MXD4: variants seen among roughly 807,000 people sequenced by gnomAD.
MXD4 encodes the protein MAX dimerization protein 4.
MXD4 carries 16 observed loss-of-function variants against 24.5 expected under a neutral mutation model. The observed-to-expected ratio is 0.65, with a 90% CI of 0.44 to 0.99. The LOEUF is 0.99. MXD4 is among the 50% of genes least tolerant of loss of function. The pLI, the probability that MXD4 is intolerant of heterozygous loss-of-function variation, is 0.00. For missense variants in MXD4, 301 were observed against 301.5 expected (o/e 1.00, Z 0.01); for synonymous variants, 164 against 134.2 (o/e 1.22, Z -1.54).
intron 2 of MXD4, among the ~76,000 whole-genome samples, chr4:2,261,264 G>A (rs570501766): frequency 1.2e-3 from 176 of 152,300 alleles, no homozygotes; most frequent in African/African-American, 4.1e-3. Context: ...GCAGAGTTCG[G>A]CTGGCAGAGC....
At chr4:2,261,533 G>T (rs1735545108) in intron 2 of MXD4, among the ~76,000 whole-genome samples, 192 bp downstream of exon 2, 1 of 149,088 alleles carries the variant, frequency 6.7e-6, no homozygotes, top group Admixed American at 6.7e-5. Flanking sequence ...GGAAGATGGC[G>T]ACGGCGAGGG....
chr4:2,254,331 G>A (rs984733224), intron 3 of MXD4: 59 of 152,260 alleles, frequency 3.9e-4, no homozygotes, highest in African/African-American at 1.4e-3. Flanking sequence ...CCACATAGGT[G>A]ACAAGTGACC....
chr4:2,252,346 C>G, intron 4 of MXD4, 62 bp downstream of exon 4: 1 of 1,352,668 alleles, frequency 7.4e-7, no homozygotes, highest in Non-Finnish European at 1.1e-6. Context: ...AGCACCCCCC[C>G]AGGGCGTGCA....
intron 2 of MXD4, among the ~76,000 whole-genome samples, chr4:2,261,233 G>C (rs1735535957): frequency 6.6e-6 from 1 of 152,356 alleles, no homozygotes; most frequent in Middle Eastern, 3.4e-3. Flanking sequence ...GCTCCTGGGG[G>C]CGGGGGAAGG....
At chr4:2,258,184 T>A (rs2108791033) in intron 2 of MXD4, among the ~76,000 whole-genome samples, 173 bp from the exon 3 acceptor site, 1 of 152,010 alleles carries the variant, frequency 6.6e-6, no homozygotes, top group East Asian at 1.9e-4. Flanking sequence ...CCACCCAGGG[T>A]GGGGGGAACC....
At chr4:2,258,743 T>C (rs1735480462) in intron 2 of MXD4, 2 of 362,012 alleles carry the variant, frequency 5.5e-6, no homozygotes, top group South Asian at 4.0e-5. Context: ...TTCTGAGATG[T>C]GGATGCTTCC....
chr4:2,258,118 T>G (rs940541081), intron 2 of MXD4, 107 bp from the exon 3 acceptor site: 2 of 1,411,790 alleles, frequency 1.4e-6, no homozygotes, highest in Non-Finnish European at 2.0e-6. Flanking sequence ...TGGCTGGCTG[T>G]GTCTGGGTCC....
rs770114003 is a variant in MXD4 at position 2,250,714 on chromosome 4, G to A, written c.473-13C>T. The A allele has an allele frequency of 1.9e-6, 3 of 1,611,226 alleles. No individual in the cohort carries two copies. The highest frequency in any genetic ancestry group is 1.1e-5 in the South Asian group (1 of 90,974). ...TCTATGTCCACTTCTAGGGAGAATA[G>A]AGTGGGGATGGGGTCAGGCCACTCT... On this transcript the variant is annotated splice_polypyrimidine_tract_variant and intron_variant, in intron 5 of 5. Transcript: ENST00000337190.
Position 2,252,402 on chromosome 4 carries a change from A to C in MXD4, c.309+6T>G, listed in dbSNP as rs749009623. The C allele has an allele frequency of 6.2e-7, 1 of 1,608,822 alleles. No homozygotes were observed. Among genetic ancestry groups the C allele is most frequent in the East Asian group, 2.2e-5 (1 of 44,856 alleles). ...CAGGGCAGGGTGGAGAGCAAGGCCCACTCACCTTGATGTGCACCTTGGCCC... is the reference window on the plus strand; with the variant it reads ...CAGGGCAGGGTGGAGAGCAAGGCCCCCTCACCTTGATGTGCACCTTGGCCC... On this transcript the variant is annotated splice_donor_region_variant and intron_variant, in intron 4 of 5. Transcript: ENST00000337190.
intron 3 of MXD4, chr4:2,253,756 G>C (rs970949812): frequency 2.6e-5 from 4 of 152,372 alleles, no homozygotes; most frequent in African/African-American, 4.8e-5. Context: ...GGGCTGCTGG[G>C]TGCAGCGGTA....
At chr4:2,259,090 C>A (rs1048226081) in intron 2 of MXD4, 1 of 401,082 alleles carries the variant, frequency 2.5e-6, no homozygotes, top group Admixed American at 2.5e-5. Context: ...CAGACTGCCT[C>A]GGGGCACCTC....
At chr4:2,257,302 A>T (rs930557115) in intron 3 of MXD4, among the ~76,000 whole-genome samples, 1 of 152,170 alleles carries the variant, frequency 6.6e-6, no homozygotes, top group East Asian at 1.9e-4. Flanking sequence ...GTCAGGAGAG[A>T]GCGAAGGACC....
chr4:2,252,158 T>G lies in MXD4; in HGVS notation c.309+250A>C, dbSNP rs79220502. 4.7e-3 allele frequency among the ~76,000 whole-genome samples: 720 copies of G among 152,238 alleles called. 8 individuals carry two copies. Among genetic ancestry groups the G allele is most frequent in the African/African-American group, 0.017 (690 of 41,534 alleles). The stretch of plus-strand genomic sequence containing the variant: ...GTCTATGCTGCGATGCGGCTTCTTA[T>G]GCCATCAGCACCCAACAAACCCGAC... On this transcript the variant is annotated intron_variant, in intron 4 of 5. Transcript: ENST00000337190.
At chr4:2,254,559 C>A (rs1735388311) in intron 3 of MXD4, 1 of 151,944 alleles carries the variant, frequency 6.6e-6, no homozygotes, top group Non-Finnish European at 1.5e-5. Context: ...GAAAGAAAAA[C>A]ACAGCTGAGA....
rs2108787000 is a variant in MXD4 at position 2,248,828 on chromosome 4, G to A, written c.*1716C>T. On this transcript the variant is annotated 3_prime_UTR_variant, in exon 6 of 6. Transcript: ENST00000337190. ...ATGGGAATTGGCTACAGATGTACCA[G>A]AGGCACGGCAGGCACTGCTATGGGC... 6.6e-6 allele frequency: 1 copy of A among 152,404 alleles called. No individual in the cohort carries two copies. Among genetic ancestry groups the A allele is most frequent in the Non-Finnish European group, 1.5e-5 (1 of 68,052 alleles). The allele number at this position is 152,404 out of a possible 1,614,324, so 9.4% of individuals were successfully genotyped here. A position where few individuals can be genotyped will look rare whatever the true frequency, so the allele number is the denominator to read the frequency against.
intron 2 of MXD4, among the ~76,000 whole-genome samples, chr4:2,260,056 C>G (rs1166441861): frequency 2.0e-5 from 3 of 152,232 alleles, no homozygotes; most frequent in Non-Finnish European, 4.4e-5. Context: ...CTTGTCTGGG[C>G]TGGCTGAGGA....
At position 2,250,609 on chromosome 4, in the gene MXD4, C is replaced by T; in HGVS notation, c.565G>A (p.Gly189Ser). 20 of 1,612,968 alleles carry T rather than the reference C, an allele frequency of 1.2e-5. No homozygotes were observed. Among genetic ancestry groups the T allele is most frequent in the Non-Finnish European group, 1.7e-5 (20 of 1,179,876 alleles). Residue 189 changes from glycine to serine, a missense_variant, in exon 6 of 6, where the codon GGC becomes AGC. Transcript: ENST00000337190. ...CCGAAGCCACTGTCGCCGCCGGTGC[C>T]ACTCTGCAGGCTGTAGTGGTCGTCC... Reference protein sequence around the residue: ...DADDHYSLQSGTGGDSGFGPH... With the variant: ...DADDHYSLQSSTGGDSGFGPH...
At position 2,262,043 on chromosome 4, in the gene MXD4, G is replaced by GCTCCGCTCGC. The variant is rs1211636662; in HGVS notation, c.-73_-64dup. 2.1e-6 allele frequency: 2 copies of GCTCCGCTCGC among 934,514 alleles called. No individual in the cohort carries two copies. Among genetic ancestry groups the GCTCCGCTCGC allele is most frequent in the Non-Finnish European group, 2.6e-6 (2 of 778,864 alleles). 57.9% of individuals were successfully genotyped at this position (934,514 alleles called of 1,614,324 possible). A position where few individuals can be genotyped will look rare whatever the true frequency, so the allele number is the denominator to read the frequency against. ...GCCGCTGCCCGGCCCGCTCCGGCCG[G>GCTCCGCTCGC]CTCCGCTCGCCGCCCACCCCGCGCG... On this transcript the variant is annotated 5_prime_UTR_variant, in exon 1 of 6. Coordinates refer to ENST00000337190, the MANE Select transcript of MXD4 (RefSeq NM_006454.3).
At position 2,262,078 on chromosome 4, in the gene MXD4, C is replaced by G. The variant is rs1162345842; in HGVS notation, c.-98G>C. The G allele has an allele frequency of 9.5e-6, 6 of 633,968 alleles. No homozygotes were observed. Among genetic ancestry groups the G allele is most frequent in the African/African-American group, 2.0e-5 (1 of 50,106 alleles). The allele number at this position is 633,968 out of a possible 1,614,324, so 39.3% of individuals were successfully genotyped here. A position where few individuals can be genotyped will look rare whatever the true frequency, so the allele number is the denominator to read the frequency against. On this transcript the variant is annotated 5_prime_UTR_variant, in exon 1 of 6. Transcript: ENST00000337190. ...CCGCCCACCCCGCGCGCCCGGCCGCCGCACTTCCAGACTCCGCGGACTCCG... is the reference window on the plus strand; with the variant it reads ...CCGCCCACCCCGCGCGCCCGGCCGCGGCACTTCCAGACTCCGCGGACTCCG...
Sources: gnomAD v4.1 joint callset for allele counts (sites outside exome capture counted in the v4.1 genomes callset) on GRCh38, gnomAD v4.1.1 for gene constraint, MANE v1.5 for transcripts, NCBI Gene and HGNC (gene_info 2026-07-23, HGNC 2026-07-21) for gene names.